NSUN6: variants seen among roughly 807,000 people sequenced by gnomAD.
The protein encoded by NSUN6 is NOP2/Sun RNA methyltransferase 6.
A neutral mutation model predicts 58.0 loss-of-function variants in NSUN6; 64 were observed. That is an observed-to-expected ratio of 1.10 (90% confidence interval 0.90 to 1.36). The LOEUF (loss-of-function observed/expected upper bound fraction) is 1.36. Among genes scored for constraint, NSUN6 ranks in the 40% most tolerant of loss-of-function variants. The pLI, the probability that NSUN6 is intolerant of heterozygous loss-of-function variation, is 0.00. For missense variants in NSUN6, 701 were observed against 550.1 expected (o/e 1.27, Z -2.74); for synonymous variants, 231 against 193.9 (o/e 1.19, Z -1.59).
At chr10:18,648,299 G>C (rs945395135) in intron 2 of NSUN6, among the ~76,000 whole-genome samples, 191 bp downstream of exon 2, 6 of 152,154 alleles carry the variant, frequency 3.9e-5, no homozygotes, top group African/African-American at 9.7e-5. Flanking sequence ...AATAAATTTA[G>C]AATCAGAAGT....
In NSUN6 at chr10:18,628,257, A is replaced by C. The variant is rs575249285; in HGVS notation, c.312-11964T>G. 6.6e-3 allele frequency among the ~76,000 whole-genome samples: 1,007 copies of C among 152,280 alleles called. 18 individuals are homozygous for C. The highest frequency in any genetic ancestry group is 0.024 in the African/African-American group (977 of 41,558). On this transcript the variant is annotated intron_variant, in intron 3 of 10. Coordinates refer to ENST00000377304, the MANE Select transcript of NSUN6 (RefSeq NM_182543.5). ...ATCCACACCAAAAACCCATCTGTAC[A>C]TCACCATCATCAAAGACCAAAAGTA...
intron 7 of NSUN6, among the ~76,000 whole-genome samples, chr10:18,593,233 G>A (rs371117608): frequency 3.3e-5 from 5 of 152,200 alleles, no homozygotes; most frequent in African/African-American, 1.2e-4. Context: ...GGAGAAATAG[G>A]AGAAATAGCC....
intron 8 of NSUN6, among the ~76,000 whole-genome samples, chr10:18,558,898 G>A (rs1181044719): frequency 6.6e-6 from 1 of 151,102 alleles, no homozygotes; most frequent in Non-Finnish European, 1.5e-5. Context: ...TGAATAGAAT[G>A]GAGTGAAGAA....
intron 3 of NSUN6, among the ~76,000 whole-genome samples, chr10:18,638,130 G>A (rs372391380): frequency 5.0e-4 from 75 of 150,796 alleles, no homozygotes; most frequent in African/African-American, 1.6e-3. Context: ...TAAAGAAGAG[G>A]TGTTTAACAT....
intron 1 of NSUN6, among the ~76,000 whole-genome samples, chr10:18,649,627 C>CAAA (rs1267244250): frequency 4.9e-4 from 47 of 96,286 alleles, no homozygotes; most frequent in Non-Finnish European, 8.6e-4. Context: ...GACCCTGTCT[C>CAAA]AAAAAAAAAA....
chr10:18,656,392 C>G (rs907078337), upstream of NSUN6, among the ~76,000 whole-genome samples: 14 of 152,158 alleles, frequency 9.2e-5, no homozygotes, highest in African/African-American at 3.4e-4. Flanking sequence ...CAAAAATTAA[C>G]TGGGCATGGT....
intron 3 of NSUN6, among the ~76,000 whole-genome samples, chr10:18,642,194 T>C (rs2059409702): frequency 6.6e-6 from 1 of 151,244 alleles, no homozygotes; most frequent in Non-Finnish European, 1.5e-5. Context: ...AGTAAACAAA[T>C]GAAATAAAAC....
At chr10:18,624,647 C>CAAACAA (rs1554880323) in intron 3 of NSUN6, among the ~76,000 whole-genome samples, 2 of 77,074 alleles carry the variant, frequency 2.6e-5, no homozygotes, top group Non-Finnish European at 4.7e-5. Flanking sequence ...GACTCTGTCT[C>CAAACAA]AAAAAAAAAA....
At chr10:18,586,247 T>G (rs1443874782) in intron 7 of NSUN6, among the ~76,000 whole-genome samples, 154 bp from the exon 8 acceptor site, 4 of 152,192 alleles carry the variant, frequency 2.6e-5, no homozygotes, top group Non-Finnish European at 4.4e-5. Flanking sequence ...TAACCAAATG[T>G]ATGTGTCTGG....
Position 18,561,702 on chromosome 10 carries a change from G to A in NSUN6, c.923-9731C>T, listed in dbSNP as rs534388867. Reference sequence around the variant, plus strand: ...GGAATGGAGAATGGAATAGAATGGAGAATGGAATAGAATGGAGAAAGGAAT... The same window carrying A: ...GGAATGGAGAATGGAATAGAATGGAAAATGGAATAGAATGGAGAAAGGAAT... On this transcript the variant is annotated intron_variant, in intron 8 of 10. Coordinates refer to ENST00000377304, the MANE Select transcript of NSUN6 (RefSeq NM_182543.5). Among the ~76,000 whole-genome samples the A allele has an allele frequency of 3.3e-5, 5 of 151,228 alleles. No individual in the cohort carries two copies. In the South Asian group the frequency reaches 8.3e-4, roughly 25 times the overall value.
At chr10:18,571,775 C>T (rs573677439) in intron 8 of NSUN6, among the ~76,000 whole-genome samples, 4 of 151,700 alleles carry the variant, frequency 2.6e-5, no homozygotes, top group Admixed American at 2.0e-4. Context: ...TTCTCCATTC[C>T]ATTCCATTCT....
chr10:18,568,126 A>C (rs567086786), intron 8 of NSUN6, among the ~76,000 whole-genome samples: 1 of 149,760 alleles, frequency 6.7e-6, no homozygotes, highest in South Asian at 2.1e-4. Flanking sequence ...TCCATTCTGC[A>C]TTACATTACA....
At chr10:18,610,646 G>T (rs547388276) in intron 5 of NSUN6, among the ~76,000 whole-genome samples, 2 of 152,146 alleles carry the variant, frequency 1.3e-5, no homozygotes, top group African/African-American at 2.4e-5. Context: ...CATTGAAAAT[G>T]ATCAGAGCAG....
upstream of NSUN6, chr10:18,652,081 G>A (rs988640525): frequency 1.0e-6 from 1 of 985,326 alleles, no homozygotes; most frequent in Non-Finnish European, 1.2e-6. Context: ...TTGAAAGTTG[G>A]GCTAATGGTC....
chr10:18,643,167 T>G (rs555472360), intron 2 of NSUN6, among the ~76,000 whole-genome samples: 1 of 151,642 alleles, frequency 6.6e-6, no homozygotes, highest in East Asian at 2.0e-4. Flanking sequence ...TGGTGAGTAT[T>G]TATACCACAG....
Position 18,651,379 on chromosome 10 carries a change from C to T in NSUN6, c.-176G>A. ...GAGGTACACGCTTTCTCAAGCCTAG[C>T]CGATTAGAAGGGGCTGCCGGGCTTC... is the stretch of plus-strand genomic sequence containing the variant. On this transcript the variant is annotated 5_prime_UTR_variant, in exon 1 of 11. Transcript: ENST00000377304. 1.5e-6 allele frequency: 2 copies of T among 1,316,366 alleles called. No individual in the cohort carries two copies. Among genetic ancestry groups the T allele is most frequent in the South Asian group, 2.1e-5 (1 of 46,644 alleles). The allele number at this position is 1,316,366 out of a possible 1,614,324, so 81.5% of individuals were successfully genotyped here. A position where few individuals can be genotyped will look rare whatever the true frequency, so the allele number is the denominator to read the frequency against.
chr10:18,633,529 A>C (rs2059111336), intron 3 of NSUN6, among the ~76,000 whole-genome samples: 2 of 152,168 alleles, frequency 1.3e-5, no homozygotes, highest in African/African-American at 2.4e-5. Context: ...GCTGACAGTG[A>C]AATTTGAGCC....
intron 3 of NSUN6, among the ~76,000 whole-genome samples, chr10:18,626,593 C>T (rs1007759173): frequency 3.9e-5 from 6 of 152,110 alleles, no homozygotes; most frequent in East Asian, 1.9e-4. Flanking sequence ...CATGGTGAAA[C>T]CCTGTCTCTA....
intron 5 of NSUN6, among the ~76,000 whole-genome samples, chr10:18,614,182 G>T (rs1419843600): frequency 1.3e-5 from 2 of 151,704 alleles, no homozygotes; most frequent in Non-Finnish European, 1.5e-5. Flanking sequence ...GTTTTTCAAA[G>T]ATGCAAAATA....
Sources: allele counts gnomAD v4.1 joint callset (sites outside exome capture counted in the v4.1 genomes callset), GRCh38; gene constraint gnomAD v4.1.1; transcripts MANE v1.5; gene names NCBI Gene and HGNC (gene_info 2026-07-23, HGNC 2026-07-21).